Variants in TMEM108 observed in about 807,000 individuals in gnomAD.
TMEM108 encodes the protein transmembrane protein 108.
Under a neutral mutation model 35.1 loss-of-function variants are expected in TMEM108, and 12 were observed. The observed-to-expected ratio is 0.34, with a 90% CI of 0.22 to 0.55. TMEM108 has a LOEUF of 0.55. TMEM108 is among the 20% of genes least tolerant of loss of function. The probability of loss-of-function intolerance (pLI) is 0.89; values close to 1 mark genes in which losing one functional copy is unlikely to be tolerated. For missense variants in TMEM108, 680 were observed against 753.3 expected (o/e 0.90, Z 1.14); for synonymous variants, 287 against 308.6 (o/e 0.93, Z 0.73).
At chr3:133,181,205 C>T (rs990767867) in intron 2 of TMEM108, among the ~76,000 whole-genome samples, 4 of 151,906 alleles carry the variant, frequency 2.6e-5, no homozygotes, top group African/African-American at 4.8e-5. Context: ...GTGATAATTC[C>T]GTATCAGTAA....
chr3:133,216,074 C>T (rs1239474237), intron 2 of TMEM108, among the ~76,000 whole-genome samples: 1 of 151,030 alleles, frequency 6.6e-6, no homozygotes, highest in African/African-American at 2.4e-5. Flanking sequence ...GTTTTTTTTT[C>T]CCCAGAGATT....
intron 2 of TMEM108, among the ~76,000 whole-genome samples, chr3:133,174,171 G>A (rs1466298575): frequency 6.6e-6 from 1 of 152,240 alleles, no homozygotes; most frequent in African/African-American, 2.4e-5. Flanking sequence ...GGTAATCAAA[G>A]CAGCCGGGAA....
chr3:133,216,682 G>A (rs76257127), intron 2 of TMEM108, among the ~76,000 whole-genome samples: 2,924 of 151,978 alleles, frequency 0.019, 51 homozygotes, highest in African/African-American at 0.04. Flanking sequence ...AAGTGAGATC[G>A]TATGGTAGTT....
chr3:133,199,784 T>G lies in TMEM108; in HGVS notation c.-46-29482T>G, dbSNP rs146286985. On this transcript the variant is annotated intron_variant, in intron 2 of 5. Transcript: ENST00000321871. ...CTCCGTGCTGGGAGAACCACTACTC[T>G]CTTCAAAGCTGTCAGACTGGGACGT... Among the ~76,000 whole-genome samples, 598 of 152,298 alleles carry G rather than the reference T, an allele frequency of 3.9e-3. 5 individuals are homozygous for G. Among genetic ancestry groups the G allele is most frequent in the African/African-American group, 0.014 (572 of 41,560 alleles).
intron 2 of TMEM108, among the ~76,000 whole-genome samples, chr3:133,079,017 A>G (rs1943778636): frequency 6.6e-6 from 1 of 152,262 alleles, no homozygotes; most frequent in African/African-American, 2.4e-5. Flanking sequence ...CTTGCAAAAT[A>G]TAATAATAGT....
At chr3:133,227,983 C>A (rs2107651388) in intron 2 of TMEM108, among the ~76,000 whole-genome samples, 1 of 152,142 alleles carries the variant, frequency 6.6e-6, no homozygotes, top group Non-Finnish European at 1.5e-5. Context: ...TCCAGAATAG[C>A]CAAATCCATA....
At chr3:133,256,643 G>A (rs1323684267) in intron 3 of TMEM108, among the ~76,000 whole-genome samples, 2 of 151,986 alleles carry the variant, frequency 1.3e-5, no homozygotes, top group Non-Finnish European at 2.9e-5. Flanking sequence ...AAATTTCAAG[G>A]AAACTACTAA....
chr3:133,309,891 G>A (rs1277125827), intron 3 of TMEM108, among the ~76,000 whole-genome samples: 3 of 151,570 alleles, frequency 2.0e-5, no homozygotes, highest in Non-Finnish European at 4.4e-5. Context: ...TAGTAGAGAC[G>A]GGGTTTCACC....
Position 133,106,026 on chromosome 3 carries a change from T to G in TMEM108, c.-47+60006T>G, listed in dbSNP as rs193037565. On this transcript the variant is annotated intron_variant, in intron 2 of 5. Coordinates refer to ENST00000321871, the MANE Select transcript of TMEM108 (RefSeq NM_023943.4). ...CTGTTGACAGTGCTGTGGGAGATCC[T>G]GCCCTCACGGAATTTATAACCTAAT... Among the ~76,000 whole-genome samples, 1,090 of 152,236 alleles carry G rather than the reference T, an allele frequency of 7.2e-3. 19 individuals are homozygous for G. The highest frequency in any genetic ancestry group is 7.9e-3 in the Non-Finnish European group (534 of 68,022).
chr3:133,218,118 C>T (rs890858481), intron 2 of TMEM108, among the ~76,000 whole-genome samples: 3 of 151,820 alleles, frequency 2.0e-5, no homozygotes, highest in African/African-American at 7.2e-5. Context: ...TTTCTGTGTA[C>T]AGGTCTTCCA....
At chr3:133,232,259 G>A (rs998666335) in intron 3 of TMEM108, among the ~76,000 whole-genome samples, 10 of 152,136 alleles carry the variant, frequency 6.6e-5, no homozygotes, top group Admixed American at 6.5e-4. Context: ...ATAGATTAGT[G>A]CTCTCTCTGG....
intron 2 of TMEM108, among the ~76,000 whole-genome samples, chr3:133,096,100 A>G (rs1444036773): frequency 2.0e-5 from 3 of 152,194 alleles, no homozygotes; most frequent in African/African-American, 7.2e-5. Context: ...ATATTCGTAT[A>G]GCACAGGTGG....
Position 133,195,388 on chromosome 3 carries a change from T to G in TMEM108, c.-46-33878T>G, listed in dbSNP as rs554552356. 3.9e-5 allele frequency among the ~76,000 whole-genome samples: 6 copies of G among 152,326 alleles called. No homozygotes were observed. In the South Asian group the frequency reaches 1.2e-3, roughly 32 times the overall value. Reference sequence around the variant, plus strand: ...TTCTATCATATTTATTGCTTTTCTCTTCCAAACATTCTTCTTGACATCCTT... The same window carrying G: ...TTCTATCATATTTATTGCTTTTCTCGTCCAAACATTCTTCTTGACATCCTT... On this transcript the variant is annotated intron_variant, in intron 2 of 5. Transcript: ENST00000321871.
intron 3 of TMEM108, among the ~76,000 whole-genome samples, chr3:133,332,580 C>A (rs920454596): frequency 1.3e-5 from 2 of 152,174 alleles, no homozygotes; most frequent in East Asian, 1.9e-4. Flanking sequence ...GAACAAGATT[C>A]TTCTGATGCT....
chr3:133,054,015 AT>A (rs1943435999), intron 2 of TMEM108, among the ~76,000 whole-genome samples: 1 of 152,130 alleles, frequency 6.6e-6, no homozygotes, highest in Admixed American at 6.5e-5. Context: ...ATTTAAGGGT[AT>A]TTGCTTTAGT....
At position 133,300,388 on chromosome 3, in the gene TMEM108, CCT is replaced by C. The variant is rs1360454966; in HGVS notation, c.40+71038_40+71039del. The stretch of plus-strand genomic sequence containing the variant: ...GATGAATTAGGTTTATCACCCCACC[CCT>C]GTTTTTTTACTTTGGCGGCAACTGG... On this transcript the variant is annotated intron_variant, in intron 3 of 5. Coordinates refer to ENST00000321871, the MANE Select transcript of TMEM108 (RefSeq NM_023943.4). Among the ~76,000 whole-genome samples the C allele has an allele frequency of 4.6e-5, 7 of 152,162 alleles. No individual in the cohort carries two copies. The South Asian group carries it at 1.2e-3, about 27-fold the overall frequency.
At chr3:133,201,326 C>G (rs1478834125) in intron 2 of TMEM108, among the ~76,000 whole-genome samples, 7 of 151,898 alleles carry the variant, frequency 4.6e-5, no homozygotes, top group Non-Finnish European at 1.5e-5. Context: ...ACTTTAAGTT[C>G]TGGGATACAT....
chr3:133,165,898 A>G (rs138313970), intron 2 of TMEM108, among the ~76,000 whole-genome samples: 56 of 152,322 alleles, frequency 3.7e-4, no homozygotes, highest in African/African-American at 1.3e-3. Flanking sequence ...ATATATTACA[A>G]TTAGGCCCTA....
At position 133,066,921 on chromosome 3, in the gene TMEM108, T is replaced by C. The variant is rs1390112447; in HGVS notation, c.-47+20901T>C. On this transcript the variant is annotated intron_variant, in intron 2 of 5. Transcript: ENST00000321871. ...AGTGAAAATGAAACAATAATGTGCA[T>C]GTTTTTTTCTGTGATCTTTGCTTCT... 5.3e-5 allele frequency among the ~76,000 whole-genome samples: 8 copies of C among 152,330 alleles called. 2 individuals are homozygous for C. The highest frequency in any genetic ancestry group is 5.2e-4 in the Admixed American group (8 of 15,282).
Sources: allele counts gnomAD v4.1 joint callset (sites outside exome capture counted in the v4.1 genomes callset), GRCh38; gene constraint gnomAD v4.1.1; transcripts MANE v1.5; gene names NCBI Gene and HGNC (gene_info 2026-07-23, HGNC 2026-07-21).